RNF141: variants seen among roughly 807,000 people sequenced by gnomAD.
The protein encoded by RNF141 is ring finger protein 141.
Under a neutral mutation model 27.4 loss-of-function variants are expected in RNF141, and 18 were observed. That is an observed-to-expected ratio of 0.66 (90% CI 0.45 to 0.97). The LOEUF (loss-of-function observed/expected upper bound fraction) is 0.97, where lower values mean the gene tolerates loss of function less well. RNF141 is among the 50% of genes least tolerant of loss of function. The pLI, the probability that RNF141 is intolerant of heterozygous loss-of-function variation, is 0.00. For synonymous variants in RNF141, 97 were observed against 96.6 expected, an observed-to-expected ratio of 1.00 and a Z score of -0.02; for missense variants, 230 against 279.4, an observed-to-expected ratio of 0.82 and a Z score of 1.26.
intron 2 of RNF141, among the ~76,000 whole-genome samples, chr11:10,533,532 TA>T (rs201066765): frequency 2.3e-5 from 3 of 130,148 alleles, no homozygotes; most frequent in East Asian, 2.2e-4. Flanking sequence ...GATGACACAG[TA>T]AAAAAAAGTA....
rs1850068402 is a variant in RNF141 at position 10,539,590 on chromosome 11, A to G, written c.-48+1532T>C. ...GATATCAACTTTTTTTTTTCAAGAC[A>G]AGTTAATATAGATACATAGTGAAAT... On this transcript the variant is annotated intron_variant, in intron 1 of 5. Transcript: ENST00000265981. 2.1e-5 allele frequency among the ~76,000 whole-genome samples: 3 copies of G among 143,346 alleles called. No individual in the cohort carries two copies. The Admixed American group carries it at 2.1e-4, about 10-fold the overall frequency. The allele number at this position is 143,346 out of a possible 152,430, so 94.0% of individuals were successfully genotyped here.
At chr11:10,521,753 G>C (rs1849889456) in intron 4 of RNF141, among the ~76,000 whole-genome samples, 1 of 152,196 alleles carries the variant, frequency 6.6e-6, no homozygotes, top group Non-Finnish European at 1.5e-5. Context: ...CATAAACAAA[G>C]TTGTAGAGGT....
intron 5 of RNF141, chr11:10,517,508 A>G (rs1169495122): frequency 1.3e-5 from 2 of 152,152 alleles, no homozygotes; most frequent in East Asian, 3.8e-4. Context: ...CAACAAATCC[A>G]AGAAGCTCAA....
At position 10,514,845 on chromosome 11, in the gene RNF141, C is replaced by CA; in HGVS notation, c.*70dup. On this transcript the variant is annotated 3_prime_UTR_variant, in exon 6 of 6. Transcript: ENST00000265981. ...TTTTCCTGTGTCTGTGCCAGTGCCA[C>CA]AACCCTACATTCTTCCCCCATGACC... The CA allele has an allele frequency of 6.9e-7, 1 of 1,447,580 alleles. No individual in the cohort carries two copies. Among genetic ancestry groups the CA allele is most frequent in the South Asian group, 1.4e-5 (1 of 70,020 alleles). The allele number at this position is 1,447,580 out of a possible 1,614,324, so 89.7% of individuals were successfully genotyped here. A position where few individuals can be genotyped will look rare whatever the true frequency, so the allele number is the denominator to read the frequency against.
At position 10,525,293 on chromosome 11, in the gene RNF141, T is replaced by C; in HGVS notation, c.333A>G (p.Thr111=). ...YQFIQLYKDI[T]SQAAGVLAQS... Reference sequence around the variant, plus strand: ...GTGCCAATACTCCTGCTGCTTGACTTGTGATATCTTTATAAAGTTGAATAA... The same window carrying C: ...GTGCCAATACTCCTGCTGCTTGACTCGTGATATCTTTATAAAGTTGAATAA... Residue 111 remains threonine, a synonymous_variant, in exon 4 of 6, where the codon ACA becomes ACG. Coordinates refer to ENST00000265981, the MANE Select transcript of RNF141 (RefSeq NM_016422.4). 6.2e-7 allele frequency: 1 copy of C among 1,613,352 alleles called. No homozygotes were observed. Among genetic ancestry groups the C allele is most frequent in the South Asian group, 1.1e-5 (1 of 90,942 alleles).
At chr11:10,540,613 T>C (rs1385246427) in intron 1 of RNF141, 2 of 152,232 alleles carry the variant, frequency 1.3e-5, no homozygotes, top group African/African-American at 4.8e-5. Context: ...GCTGGCTAAG[T>C]AGATCGACGT....
At position 10,514,950 on chromosome 11, in the gene RNF141, A is replaced by C; in HGVS notation, c.659T>G (p.Met220Arg). The change falls in exon 6 of 6, where the codon ATG becomes AGG. Residue 220 changes from methionine to arginine, a missense_variant. Physicochemically the swap from Met to Arg is moderately conservative, Grantham distance 91. Coordinates refer to ENST00000265981, the MANE Select transcript of RNF141 (RefSeq NM_016422.4). ...GTGGGGCTGGCCTGCCTCATCAGCC[A>C]TGTTAAGAATATAGTTAGCCATATC... ...EDDMANYILN[M>R]ADEAGQPHRP 1 of 1,613,806 alleles carries C rather than the reference A, an allele frequency of 6.2e-7. No individual in the cohort carries two copies. Among genetic ancestry groups the C allele is most frequent in the Non-Finnish European group, 8.5e-7 (1 of 1,179,874 alleles).
At chr11:10,528,014 A>G (rs1158612792) in intron 3 of RNF141, among the ~76,000 whole-genome samples, 1 of 152,232 alleles carries the variant, frequency 6.6e-6, no homozygotes, top group Non-Finnish European at 1.5e-5. Flanking sequence ...GTAGTTCTTA[A>G]CAGCCACCTT....
intron 4 of RNF141, 90 bp downstream of exon 4, chr11:10,525,102 G>T: frequency 5.3e-6 from 5 of 944,902 alleles, no homozygotes; most frequent in South Asian, 2.4e-5. Flanking sequence ...GATTTAAGAT[G>T]CTACAATGAG....
chr11:10,529,242 A>G (rs545789493), intron 3 of RNF141, among the ~76,000 whole-genome samples: 2 of 152,368 alleles, frequency 1.3e-5, no homozygotes, highest in East Asian at 1.9e-4. Flanking sequence ...ATATGACCCA[A>G]TACTGACCAG....
rs914988705 is a variant in RNF141, at chr11:10,512,465, C to T, written c.*2451G>A. The T allele has an allele frequency of 6.6e-6, 1 of 152,580 alleles. No individual in the cohort carries two copies. The highest frequency in any genetic ancestry group is 2.4e-5 in the African/African-American group (1 of 41,440). 9.5% of individuals were successfully genotyped at this position (152,580 alleles called of 1,614,324 possible). A position where few individuals can be genotyped will look rare whatever the true frequency, so the allele number is the denominator to read the frequency against. On this transcript the variant is annotated 3_prime_UTR_variant, in exon 6 of 6. Coordinates refer to ENST00000265981, the MANE Select transcript of RNF141 (RefSeq NM_016422.4). ...GTTTGGGCCCTATTGAGTCACTGGGCTCATTGTTAAATAACTCCTTGAAAG... is the reference window on the plus strand; with the variant it reads ...GTTTGGGCCCTATTGAGTCACTGGGTTCATTGTTAAATAACTCCTTGAAAG...
intron 3 of RNF141, among the ~76,000 whole-genome samples, chr11:10,529,918 G>A (rs181037415): frequency 1.8e-4 from 27 of 152,256 alleles, no homozygotes; most frequent in Admixed American, 5.2e-4. Context: ...TCCAGGGTCC[G>A]TGACTCAAAG....
chr11:10,532,626 T>C (rs983057136), intron 2 of RNF141, among the ~76,000 whole-genome samples: 12 of 152,246 alleles, frequency 7.9e-5, no homozygotes, highest in African/African-American at 2.6e-4. Flanking sequence ...TCTTCTAAGA[T>C]AACTTTTAAG....
Position 10,514,598 on chromosome 11 carries a change from CA to C in RNF141, c.*317del. The stretch of plus-strand genomic sequence containing the variant: ...TCCAGAATACTCCTGCCCTGCAAAA[CA>C]GTAGTGTTTTAGAAGCCTCTGGAAG... On this transcript the variant is annotated 3_prime_UTR_variant, in exon 6 of 6. Transcript: ENST00000265981. The C allele has an allele frequency of 4.9e-6, 1 of 204,596 alleles. No homozygotes were observed. Among genetic ancestry groups the C allele is most frequent in the Non-Finnish European group, 9.7e-6 (1 of 103,264 alleles). 12.7% of individuals were successfully genotyped at this position (204,596 alleles called of 1,614,324 possible).
Position 10,514,739 on chromosome 11 carries a change from A to C in RNF141, c.*177T>G. 1.8e-6 allele frequency: 1 copy of C among 546,320 alleles called. No homozygotes were observed. Among genetic ancestry groups the C allele is most frequent in the Non-Finnish European group, 3.0e-6 (1 of 334,372 alleles). The allele number at this position is 546,320 out of a possible 1,614,324, so 33.8% of individuals were successfully genotyped here. A position where few individuals can be genotyped will look rare whatever the true frequency, so the allele number is the denominator to read the frequency against. Reference sequence around the variant, plus strand: ...AAACAGTAGCAAATTTTAGTACCACAAATGGAAGACATGGGAAGTTTATTT... The same window carrying C: ...AAACAGTAGCAAATTTTAGTACCACCAATGGAAGACATGGGAAGTTTATTT... On this transcript the variant is annotated 3_prime_UTR_variant, in exon 6 of 6. Coordinates refer to ENST00000265981, the MANE Select transcript of RNF141 (RefSeq NM_016422.4).
intron 5 of RNF141, 156 bp from the exon 6 acceptor site, chr11:10,515,222 T>C: frequency 1.2e-6 from 1 of 833,304 alleles, no homozygotes; most frequent in Non-Finnish European, 1.8e-6. Flanking sequence ...TCTTCAATTC[T>C]CTTTCCCAGG....
At position 10,530,743 on chromosome 11, in the gene RNF141, T is replaced by A; in HGVS notation, c.152A>T (p.Lys51Ile). ...ATGTTTTTCCTGGCCAGAAGCCACT[T>A]TAGCCGTTCTGAAAAGAGACAAGAA... ...RVAELNDVTAKVASGQEKHLL... is the reference protein window; with the variant it reads ...RVAELNDVTAIVASGQEKHLL... Residue 51 changes from lysine to isoleucine, a missense_variant, in exon 3 of 6, where the codon AAA becomes ATA. Lys to Ile is a moderately radical substitution (Grantham distance 102). Transcript: ENST00000265981. 6.2e-7 allele frequency: 1 copy of A among 1,600,532 alleles called. No homozygotes were observed. Among genetic ancestry groups the A allele is most frequent in the Non-Finnish European group, 8.5e-7 (1 of 1,171,786 alleles).
At chr11:10,535,797 A>G (rs1850029364) in intron 1 of RNF141, among the ~76,000 whole-genome samples, 1 of 152,238 alleles carries the variant, frequency 6.6e-6, no homozygotes, top group African/African-American at 2.4e-5. Context: ...GTAACTTCAC[A>G]ATGAGGTATA....
chr11:10,540,895 C>T (rs1362643772), intron 1 of RNF141: 1 of 152,328 alleles, frequency 6.6e-6, no homozygotes, highest in Non-Finnish European at 1.5e-5. Flanking sequence ...CCACCGCCAC[C>T]CCGGGCAACT....
Sources: allele counts gnomAD v4.1 joint callset (sites outside exome capture counted in the v4.1 genomes callset), GRCh38; gene constraint gnomAD v4.1.1; transcripts MANE v1.5; gene names NCBI Gene and HGNC (gene_info 2026-07-23, HGNC 2026-07-21).